The following GPM6B variants were observed in gnomAD, a reference collection of about 807,000 sequenced individuals.
GPM6B encodes neuronal membrane glycoprotein M6-b.
Under a neutral mutation model 27.2 loss-of-function variants are expected in GPM6B, and 4 were observed. The ratio of observed to expected loss-of-function variants is 0.15; its 90% CI spans 0.07 to 0.34. The LOEUF is 0.34. Ranked by LOEUF, GPM6B falls within the 10% of genes least tolerant of loss-of-function variation. GPM6B has a pLI of 1.00. For synonymous variants in GPM6B, 124 were observed against 103.1 expected (o/e 1.20, Z -1.23); for missense variants, 183 against 261.9 (o/e 0.70, Z 2.08).
intron 4 of GPM6B, 24 bp from the exon 5 acceptor site, chrX:13,780,013 C>A: frequency 8.7e-7 from 1 of 1,144,379 alleles, no homozygotes; most frequent in South Asian, 2.1e-5. Context: ...AGAGGAAGGA[C>A]AATCATCACT....
At chrX:13,812,140 C>T (rs989311327) in intron 1 of GPM6B, among the ~76,000 whole-genome samples, 2 of 104,436 alleles carry the variant, frequency 1.9e-5, no homozygotes, top group African/African-American at 7.0e-5. Flanking sequence ...ACCTCCGCCT[C>T]TCGGGTTCAC....
At chrX:13,911,127 A>G (rs2050375480) in intron 1 of GPM6B, among the ~76,000 whole-genome samples, 1 of 112,293 alleles carries the variant, frequency 8.9e-6, no homozygotes, top group African/African-American at 3.2e-5. Context: ...GGTATTTTAA[A>G]TCTGGCAGTC....
At chrX:13,933,567 T>C (rs781637033) in intron 1 of GPM6B, among the ~76,000 whole-genome samples, 1 of 112,533 alleles carries the variant, frequency 8.9e-6, no homozygotes, top group South Asian at 3.7e-4. Flanking sequence ...ACTAGAATTA[T>C]GAAACTTAAT....
In GPM6B at chrX:13,779,966, A is replaced by C; in HGVS notation, c.549T>G (p.Leu183=). 8.4e-7 allele frequency: 1 copy of C among 1,196,742 alleles called. No homozygotes were observed. Among genetic ancestry groups the C allele is most frequent in the Non-Finnish European group, 1.1e-6 (1 of 884,054 alleles). Residue 183 remains leucine (L), a synonymous_variant, in exon 5 of 8, where the codon CTT becomes CTG. Coordinates refer to ENST00000316715, the MANE Select transcript of GPM6B (RefSeq NM_001001995.3). Reference sequence around the variant, plus strand: ...CAAACACACCCAGCCAGGCCACTCCAAGCACATAGGTGAGGAAAACGAACT... The same window carrying C: ...CAAACACACCCAGCCAGGCCACTCCCAGCACATAGGTGAGGAAAACGAACT... The part of the protein sequence containing the change: ...SGMFVFLTYV[L]GVAWLGVFGF...
At chrX:13,782,664 G>A (rs1226953914) in intron 4 of GPM6B, among the ~76,000 whole-genome samples, 1 of 106,542 alleles carries the variant, frequency 9.4e-6, no homozygotes. Context: ...GCTGAGGCAG[G>A]AGAATCGCTT....
rs527814841 is a variant in GPM6B, at chrX:13,772,937, G to T, written c.931C>A (p.Gln311Lys). Residue 311 changes from glutamine to lysine, a missense_variant, in exon 8 of 8, where the codon CAG (glutamine) becomes AAG (lysine). Coordinates refer to ENST00000316715, the MANE Select transcript of GPM6B (RefSeq NM_001001995.3). ...AYQDIKAKEE[Q>K]ELQDIQSRSK... is the part of the protein sequence containing the mutation. Reference sequence around the variant, plus strand: ...CGAGACTGGATATCTTGCAGTTCCTGTTCTTCCTTTGCTTTGATATCCTGG... The same window carrying T: ...CGAGACTGGATATCTTGCAGTTCCTTTTCTTCCTTTGCTTTGATATCCTGG... 1.7e-6 allele frequency: 2 copies of T among 1,209,555 alleles called. No individual in the cohort carries two copies. Among genetic ancestry groups the T allele is most frequent in the Non-Finnish European group, 2.2e-6 (2 of 893,583 alleles).
intron 2 of GPM6B, among the ~76,000 whole-genome samples, chrX:13,796,377 T>C (rs1007829824): frequency 8.9e-6 from 1 of 112,359 alleles, no homozygotes; most frequent in African/African-American, 3.2e-5. Flanking sequence ...CCCTCAGTTC[T>C]AGCTTCTAAT....
intron 3 of GPM6B, among the ~76,000 whole-genome samples, chrX:13,784,867 G>T (rs1285133518): frequency 8.9e-6 from 1 of 111,963 alleles, no homozygotes; most frequent in African/African-American, 3.2e-5. Context: ...TCTTCTGCTG[G>T]AAGAGTTAAT....
intron 1 of GPM6B, among the ~76,000 whole-genome samples, chrX:13,901,859 A>C (rs1002439584): frequency 3.6e-5 from 4 of 112,015 alleles, no homozygotes; most frequent in African/African-American, 1.3e-4. Context: ...TGAAATCCTA[A>C]GTCTACCTGC....
intron 1 of GPM6B, among the ~76,000 whole-genome samples, chrX:13,854,511 T>A (rs1261526560): frequency 8.9e-6 from 1 of 112,216 alleles, no homozygotes; most frequent in Non-Finnish European, 1.9e-5. Flanking sequence ...GTACATGTTT[T>A]CTAATGCAAT....
chrX:13,857,943 A>G (rs16979316), intron 1 of GPM6B, among the ~76,000 whole-genome samples: 1,137 of 112,628 alleles, frequency 0.01, 18 homozygotes, highest in African/African-American at 0.035. Flanking sequence ...TCATTCAGCC[A>G]CTACGACTGC....
rs2050315337 is a variant in GPM6B, at chrX:13,905,033, G to C, written c.-198+33294C>G. ...GAGGATTGCTTGAGCCCAGGAGTTT[G>C]AGACCAGCCTGGGCAACATGGCGAG... On this transcript the variant is annotated intron_variant, in intron 1 of 6. Transcript: ENST00000398361. Among the ~76,000 whole-genome samples, 6 of 108,214 alleles carry C rather than the reference G, an allele frequency of 5.5e-5. No individual in the cohort carries two copies. In the Admixed American group the frequency reaches 6.0e-4, roughly 11 times the overall value. The allele number at this position is 108,214 out of a possible 115,157, so 94.0% of individuals were successfully genotyped here.
At chrX:13,816,744 T>C in intron 1 of GPM6B, 100 bp downstream of exon 1, 5 of 994,530 alleles carry the variant, frequency 5.0e-6, no homozygotes, top group Non-Finnish European at 7.2e-6. Context: ...ATAGGGATTG[T>C]CTCAGAGCCA....
At chrX:13,850,077 G>C (rs2049697716) in intron 1 of GPM6B, among the ~76,000 whole-genome samples, 1 of 111,565 alleles carries the variant, frequency 9.0e-6, no homozygotes. Flanking sequence ...ATAAAATATA[G>C]GAACACTACT....
chrX:13,849,325 TACC>T (rs2049686756), intron 1 of GPM6B, among the ~76,000 whole-genome samples: 2 of 112,599 alleles, frequency 1.8e-5, no homozygotes, highest in African/African-American at 6.5e-5. Flanking sequence ...GGCATTTTCT[TACC>T]ACTTTAGCTT....
At chrX:13,906,110 T>G (rs1165597610) in intron 1 of GPM6B, among the ~76,000 whole-genome samples, 2 of 112,494 alleles carry the variant, frequency 1.8e-5, no homozygotes, top group East Asian at 5.6e-4. Flanking sequence ...AGTGAAGGCT[T>G]CTTCTTTTGA....
At chrX:13,866,374 G>A (rs907986963) in intron 1 of GPM6B, among the ~76,000 whole-genome samples, 1 of 112,059 alleles carries the variant, frequency 8.9e-6, no homozygotes, top group African/African-American at 3.2e-5. Context: ...AAAAAAGTAG[G>A]AAGAGGTCAC....
At chrX:13,938,043 T>C (rs771011763) in intron 1 of GPM6B, among the ~76,000 whole-genome samples, 49 of 111,495 alleles carry the variant, frequency 4.4e-4, no homozygotes, top group Admixed American at 1.5e-3. Context: ...GGGTGTTTGT[T>C]TCGCGCGGGC....
At chrX:13,809,218 T>G (rs925331257) in intron 1 of GPM6B, among the ~76,000 whole-genome samples, 1 of 111,624 alleles carries the variant, frequency 9.0e-6, no homozygotes, top group Admixed American at 9.5e-5. Flanking sequence ...AGCCAGGAGG[T>G]AGAGAAGCCT....
Sources: gnomAD v4.1 joint callset for allele counts (sites outside exome capture counted in the v4.1 genomes callset) on GRCh38, gnomAD v4.1.1 for gene constraint, MANE v1.5 for transcripts, NCBI Gene and HGNC (gene_info 2026-07-23, HGNC 2026-07-21) for gene names.